TRIML2: variants seen among roughly 807,000 people sequenced by gnomAD.
TRIML2 encodes the protein tripartite motif family like 2.
Under a neutral mutation model 31.2 loss-of-function variants are expected in TRIML2, and 28 were observed. That is an observed-to-expected ratio of 0.90 (90% CI 0.66 to 1.23). The LOEUF (loss-of-function observed/expected upper bound fraction) is 1.23. Among genes scored for constraint, TRIML2 ranks in the 50% most tolerant of loss-of-function variants. TRIML2 has a pLI of 0.00. For synonymous variants in TRIML2, 187 were observed against 197.5 expected (o/e 0.95, Z 0.45); for missense variants, 536 against 528.3 (o/e 1.01, Z -0.14).
intron 1 of TRIML2, among the ~76,000 whole-genome samples, chr4:188,106,281 G>A (rs1320921159): frequency 6.6e-6 from 1 of 152,140 alleles, no homozygotes; most frequent in Non-Finnish European, 1.5e-5. Flanking sequence ...TCGATCTCCT[G>A]ACCTCGTGAT....
chr4:188,093,035 T>TG, intron 7 of TRIML2: 1 of 355,278 alleles, frequency 2.8e-6, no homozygotes. Flanking sequence ...AAATACCAGT[T>TG]GGAAAAAACA....
chr4:188,093,527 T>C (rs1450303104), intron 7 of TRIML2, among the ~76,000 whole-genome samples: 1 of 151,924 alleles, frequency 6.6e-6, no homozygotes, highest in Non-Finnish European at 1.5e-5. Context: ...CAGCCAGGCC[T>C]GGTGGCGGCC....
At chr4:188,097,466 A>G in intron 5 of TRIML2, 120 bp from the exon 6 acceptor site, 1 of 893,780 alleles carries the variant, frequency 1.1e-6, no homozygotes, top group Non-Finnish European at 1.8e-6. Context: ...TCAACCTCAT[A>G]ATGCTAGTTA....
Position 188,109,346 on chromosome 4 carries a change from G to A in TRIML2, c.-326C>T, listed in dbSNP as rs1473379335. 2 of 126,516 alleles carry A rather than the reference G, an allele frequency of 1.6e-5. No homozygotes were observed. Among genetic ancestry groups the A allele is most frequent in the African/African-American group, 3.1e-5 (1 of 32,560 alleles). The allele number at this position is 126,516 out of a possible 1,614,324, so 7.8% of individuals were successfully genotyped here. On this transcript the variant is annotated 5_prime_UTR_variant, in exon 1 of 8. Transcript: ENST00000682553. ...GGCTGGAATGCAGTGGCGCAATCTC[G>A]GCTCACTACAGCCTCGAGCTCCCAG...
Position 188,097,194 on chromosome 4 carries a change from C to G in TRIML2, c.645-33G>C, listed in dbSNP as rs141285267. The stretch of plus-strand genomic sequence containing the variant: ...GAAAGGACAGCCTCAGTCATCTGCA[C>G]AGACCACAGGCCCCTTAGTCTACTG... On this transcript the variant is annotated intron_variant, in intron 6 of 7. Transcript: ENST00000682553. 1.3e-3 allele frequency: 2,164 copies of G among 1,603,884 alleles called. 36 individuals carry two copies. In the African/African-American group the frequency reaches 0.026, roughly 19 times the overall value.
intron 4 of TRIML2, 97 bp downstream of exon 4, chr4:188,100,959 T>C (rs2111176029): frequency 9.2e-7 from 1 of 1,086,406 alleles, no homozygotes; most frequent in Middle Eastern, 2.2e-4. Context: ...AATACATGTG[T>C]GGTTGTCACT....
At chr4:188,095,924 T>C (rs11132517) in intron 7 of TRIML2, among the ~76,000 whole-genome samples, 12,422 of 152,310 alleles carry the variant, frequency 0.082, 1,097 homozygotes, top group East Asian at 0.51. Flanking sequence ...TGCAGTATGC[T>C]GTCAGCCTCG....
chr4:188,098,872 C>T, intron 5 of TRIML2, 163 bp downstream of exon 5: 1 of 750,134 alleles, frequency 1.3e-6, no homozygotes, highest in Admixed American at 3.0e-5. Context: ...AAGCTATGAC[C>T]ATTCCTAAAG....
rs537525941 is a variant in TRIML2 at position 188,109,547 on chromosome 4, G to C, written c.-527C>G. 8 of 152,044 alleles carry C rather than the reference G, an allele frequency of 5.3e-5. No individual in the cohort carries two copies. Among genetic ancestry groups the C allele is most frequent in the African/African-American group, 1.9e-4 (8 of 41,492 alleles). 9.4% of individuals were successfully genotyped at this position (152,044 alleles called of 1,614,324 possible). ...CCTGCTTCAGCCTCCCAAAGTACTGGGATTACAGGAATGAGTCACCACACC... is the reference window on the plus strand; with the variant it reads ...CCTGCTTCAGCCTCCCAAAGTACTGCGATTACAGGAATGAGTCACCACACC... On this transcript the variant is annotated 5_prime_UTR_variant, in exon 1 of 8. Coordinates refer to ENST00000682553, the MANE Select transcript of TRIML2 (RefSeq NM_173553.4).
intron 1 of TRIML2, among the ~76,000 whole-genome samples, chr4:188,107,360 C>A (rs940991642): frequency 2.6e-5 from 4 of 152,144 alleles, no homozygotes; most frequent in Non-Finnish European, 5.9e-5. Context: ...TTTTAAATTT[C>A]TAATACAGTA....
At position 188,091,372 on chromosome 4, in the gene TRIML2, A is replaced by T; in HGVS notation, c.*1T>A. ...TGGTCTTGGATTTTACACACAGAAG[A>T]TTAAGGGCTAACAGTAGCATCACAA... On this transcript the variant is annotated 3_prime_UTR_variant, in exon 8 of 8. Coordinates refer to ENST00000682553, the MANE Select transcript of TRIML2 (RefSeq NM_173553.4). 1 of 1,609,962 alleles carries T rather than the reference A, an allele frequency of 6.2e-7. No individual in the cohort carries two copies. The highest frequency in any genetic ancestry group is 8.5e-7 in the Non-Finnish European group (1 of 1,177,014).
intron 7 of TRIML2, chr4:188,092,827 T>C: frequency 2.2e-6 from 1 of 456,112 alleles, no homozygotes; most frequent in South Asian, 1.5e-5. Context: ...CACACCTGCA[T>C]GAATACGTCT....
intron 3 of TRIML2, among the ~76,000 whole-genome samples, chr4:188,101,601 G>A (rs970861776): frequency 1.2e-4 from 18 of 152,110 alleles, no homozygotes; most frequent in African/African-American, 4.3e-4. Flanking sequence ...GGCTAAGGCA[G>A]GAGAATCGCT....
chr4:188,106,887 C>A, intron 1 of TRIML2: 2 of 261,480 alleles, frequency 7.6e-6, no homozygotes, highest in Non-Finnish European at 8.0e-6. Context: ...ACGTTGTGCC[C>A]ATCTTTGGCA....
At position 188,091,390 on chromosome 4, in the gene TRIML2, C is replaced by T. The variant is rs1487402605; in HGVS notation, c.1297G>A (p.Ala433Thr). 7.4e-6 allele frequency: 12 copies of T among 1,613,270 alleles called. No individual in the cohort carries two copies. Among genetic ancestry groups the T allele is most frequent in the Non-Finnish European group, 1.0e-5 (12 of 1,179,470 alleles). The change falls in exon 8 of 8, where the codon GCT becomes ACT. Residue 433 changes from alanine to threonine, a missense_variant. Coordinates refer to ENST00000682553, the MANE Select transcript of TRIML2 (RefSeq NM_173553.4). Reference protein sequence around the residue: ...TILQHGPSCDATVSP With the variant: ...TILQHGPSCDTTVSP Reference sequence around the variant, plus strand: ...ACAGAAGATTAAGGGCTAACAGTAGCATCACAAGAAGGACCATGTTGTAAG... The same window carrying T: ...ACAGAAGATTAAGGGCTAACAGTAGTATCACAAGAAGGACCATGTTGTAAG...
At chr4:188,102,923 C>CT (rs1236194833) in intron 3 of TRIML2, among the ~76,000 whole-genome samples, 1 of 151,558 alleles carries the variant, frequency 6.6e-6, no homozygotes, top group Non-Finnish European at 1.5e-5. Context: ...ACTGCTCTAC[C>CT]TGTCCCCCAG....
At chr4:188,095,949 G>A (rs1167783955) in intron 7 of TRIML2, among the ~76,000 whole-genome samples, 1 of 152,216 alleles carries the variant, frequency 6.6e-6, no homozygotes, top group Non-Finnish European at 1.5e-5. Context: ...GCCACACACT[G>A]TAGGATTCCA....
At chr4:188,106,773 C>A (rs1011714015) in intron 1 of TRIML2, 3 of 215,976 alleles carry the variant, frequency 1.4e-5, no homozygotes, top group South Asian at 7.7e-5. Flanking sequence ...CCGTGGTTCC[C>A]CGGCCCGCGC....
In TRIML2 at chr4:188,091,526, G is replaced by A. The variant is rs17881718; in HGVS notation, c.1161C>T (p.Thr387=). 0.13 allele frequency: 214,783 copies of A among 1,613,890 alleles called. 15,538 individuals are homozygous for A. Among genetic ancestry groups the A allele is most frequent in the Middle Eastern group, 0.19 (1,156 of 6,062 alleles). The change falls in exon 8 of 8, where the codon ACC becomes ACT. Residue 387 remains threonine, a synonymous_variant. Transcript: ENST00000682553. Reference sequence around the variant, plus strand: ...AGAAATTGTAAATGAGGGACATCTCGGTCACATTGTAGAATGATATCTGCC... The same window carrying A: ...AGAAATTGTAAATGAGGGACATCTCAGTCACATTGTAGAATGATATCTGCC... The part of the protein sequence containing the change: ...EHGQISFYNV[T]EMSLIYNFSH...
Sources: gnomAD v4.1 joint callset for allele counts (sites outside exome capture counted in the v4.1 genomes callset) on GRCh38, gnomAD v4.1.1 for gene constraint, MANE v1.5 for transcripts, NCBI Gene and HGNC (gene_info 2026-07-23, HGNC 2026-07-21) for gene names.